TMC2: variants seen among roughly 807,000 people sequenced by gnomAD.
TMC2 encodes transmembrane channel-like protein 2.
Under a neutral mutation model 105.9 loss-of-function variants are expected in TMC2, and 102 were observed. That is an observed-to-expected ratio of 0.96 (90% CI 0.82 to 1.14). TMC2 has a LOEUF of 1.14. TMC2 is among the 50% of genes most tolerant of loss of function. The pLI, the probability that TMC2 is intolerant of heterozygous loss-of-function variation, is 0.00. For synonymous variants in TMC2, 402 were observed against 422.8 expected, an observed-to-expected ratio of 0.95 and a Z score of 0.60; for missense variants, 1,093 against 1,134.3, an observed-to-expected ratio of 0.96 and a Z score of 0.52.
chr20:2,537,175 C>T, intron 1 of TMC2, 94 bp from the exon 2 acceptor site: 1 of 1,172,242 alleles, frequency 8.5e-7, no homozygotes, highest in Non-Finnish European at 1.2e-6. Context: ...GAGGCAGCCA[C>T]AAATCAGCTG....
chr20:2,613,690 G>T, intron 14 of TMC2: 1 of 334,418 alleles, frequency 3.0e-6, no homozygotes, highest in Admixed American at 4.2e-5. Context: ...GAATATTTCA[G>T]GAAGTCCTGG....
intron 11 of TMC2, among the ~76,000 whole-genome samples, chr20:2,607,299 C>G (rs1296745700): frequency 6.6e-6 from 1 of 152,168 alleles, no homozygotes. Flanking sequence ...GCTCCTGCCT[C>G]TCATCCCTTT....
chr20:2,572,214 C>A lies in TMC2; in HGVS notation c.590C>A (p.Ala197Asp). 6.2e-7 allele frequency: 1 copy of A among 1,611,802 alleles called. No homozygotes were observed. Among genetic ancestry groups the A allele is most frequent in the Non-Finnish European group, 8.5e-7 (1 of 1,179,626 alleles). The change falls in exon 5 of 20, where the codon GCC (alanine) becomes GAC (aspartate). Residue 197 changes from alanine (A) to aspartate (D), a missense_variant. Coordinates refer to ENST00000358864, the MANE Select transcript of TMC2 (RefSeq NM_080751.3). ...GAATTTGTGGAGAAGTATGAAGGTG[C>A]CTTGGGAAAGGGGAAAGGCAAGCAA... The part of the protein sequence containing the change: ...AQEFVEKYEG[A>D]LGKGKGKQLY...
At position 2,548,120 on chromosome 20, in the gene TMC2, T is replaced by A. The variant is rs114606179; in HGVS notation, c.83-10336T>A. Among the ~76,000 whole-genome samples the A allele has an allele frequency of 1.8e-3, 276 of 152,370 alleles. 1 individual carries two copies. The highest frequency in any genetic ancestry group is 6.3e-3 in the African/African-American group (260 of 41,586). Reference sequence around the variant, plus strand: ...ACTGGTAGGATGGATAATTGTCAACTGTCACACATCAGCATTTTAGACTAG... The same window carrying A: ...ACTGGTAGGATGGATAATTGTCAACAGTCACACATCAGCATTTTAGACTAG... On this transcript the variant is annotated intron_variant, in intron 2 of 19. Coordinates refer to ENST00000358864, the MANE Select transcript of TMC2 (RefSeq NM_080751.3).
At chr20:2,636,664 A>G (rs6083907) in intron 18 of TMC2, among the ~76,000 whole-genome samples, 114,071 of 151,996 alleles carry the variant, frequency 0.75, 42,979 homozygotes, top group East Asian at 0.87. Flanking sequence ...TCGCTCTGTC[A>G]CCAGGCTGGA....
chr20:2,568,287 CT>C (rs1315108806), intron 4 of TMC2, among the ~76,000 whole-genome samples: 1 of 152,168 alleles, frequency 6.6e-6, no homozygotes, highest in African/African-American at 2.4e-5. Flanking sequence ...CAAGAAACTT[CT>C]CATCAGAAAC....
intron 10 of TMC2, among the ~76,000 whole-genome samples, chr20:2,600,708 C>T (rs1808615369): frequency 6.6e-6 from 1 of 152,116 alleles, no homozygotes; most frequent in African/African-American, 2.4e-5. Context: ...CCTGTAGTTC[C>T]AGCTACTTGG....
chr20:2,582,714 G>A (rs1422638681), intron 7 of TMC2, among the ~76,000 whole-genome samples: 6 of 152,042 alleles, frequency 3.9e-5, no homozygotes, highest in Admixed American at 2.0e-4. Flanking sequence ...GACCTTAAGC[G>A]ATCTGCTCGC....
intron 4 of TMC2, among the ~76,000 whole-genome samples, chr20:2,562,585 A>G (rs889068481): frequency 2.0e-5 from 3 of 152,182 alleles, no homozygotes; most frequent in Admixed American, 6.5e-5. Flanking sequence ...CCTGTTTTCT[A>G]CTCAGCCACT....
At chr20:2,573,782 G>A (rs192392858) in intron 5 of TMC2, among the ~76,000 whole-genome samples, 216 of 150,696 alleles carry the variant, frequency 1.4e-3, no homozygotes, top group Non-Finnish European at 2.3e-3. Context: ...GGATGGTCTC[G>A]ATCTCCTGAC....
At position 2,617,070 on chromosome 20, in the gene TMC2, A is replaced by T. The variant is rs140053393; in HGVS notation, c.1941-2A>T. 9,594 of 1,614,134 alleles carry T rather than the reference A, an allele frequency of 5.9e-3. 43 individuals carry two copies. The highest frequency in any genetic ancestry group is 7.6e-3 in the Non-Finnish European group (8,909 of 1,179,996). On this transcript the variant is annotated splice_acceptor_variant, in intron 15 of 19. Transcript: ENST00000358864. LOFTEE classifies it high-confidence loss of function. ...CCAGGTGTTTGGTTTCTGCCATTCC[A>T]GGATGGGCTCCTTCTATGCTCCAGG...
chr20:2,622,661 ACAGAGAGAGACTCTGT>A (rs1371422957), intron 16 of TMC2, among the ~76,000 whole-genome samples: 18 of 152,060 alleles, frequency 1.2e-4, no homozygotes, highest in African/African-American at 4.1e-4. Flanking sequence ...AGCCTGGACG[ACAGAGAGAGACTCTGT>A]CTCAAAAAAA....
chr20:2,544,086 T>G (rs1321146162), intron 2 of TMC2, among the ~76,000 whole-genome samples: 2 of 130,370 alleles, frequency 1.5e-5, no homozygotes, highest in East Asian at 2.2e-4. Flanking sequence ...TTTTTTTTTT[T>G]TGTATTTTTA....
At chr20:2,605,210 A>G (rs2086380697) in intron 11 of TMC2, among the ~76,000 whole-genome samples, 1 of 152,224 alleles carries the variant, frequency 6.6e-6, no homozygotes, top group Non-Finnish European at 1.5e-5. Flanking sequence ...ATTTGGTGTC[A>G]GAAGTGTCAA....
At chr20:2,588,020 C>CT (rs367655271) in intron 7 of TMC2, among the ~76,000 whole-genome samples, 2 of 151,620 alleles carry the variant, frequency 1.3e-5, no homozygotes, top group African/African-American at 4.9e-5. Context: ...AATCCCCCCC[C>CT]CCTTTGAGTA....
chr20:2,582,928 G>A (rs769103587), intron 7 of TMC2, among the ~76,000 whole-genome samples: 2 of 152,146 alleles, frequency 1.3e-5, no homozygotes, highest in African/African-American at 4.8e-5. Context: ...GGATGTCTAC[G>A]TGATCCCTGA....
At chr20:2,572,925 T>G (rs777888704) in intron 5 of TMC2, among the ~76,000 whole-genome samples, 32 of 151,808 alleles carry the variant, frequency 2.1e-4, no homozygotes, top group South Asian at 6.2e-4. Context: ...TGGTTTTTTG[T>G]TTGTTTGTTT....
At chr20:2,613,495 C>T in intron 14 of TMC2, 173 bp downstream of exon 14, 1 of 915,382 alleles carries the variant, frequency 1.1e-6, no homozygotes, top group Non-Finnish European at 1.7e-6. Flanking sequence ...TCCTATTTGC[C>T]TTCATAAGGG....
intron 12 of TMC2, among the ~76,000 whole-genome samples, chr20:2,611,694 C>A: frequency 6.6e-6 from 1 of 152,298 alleles, no homozygotes; most frequent in Non-Finnish European, 1.5e-5. Flanking sequence ...TCTGAGCGAA[C>A]CTCCATCTCT....
Sources: allele counts gnomAD v4.1 joint callset (sites outside exome capture counted in the v4.1 genomes callset), GRCh38; gene constraint gnomAD v4.1.1; transcripts MANE v1.5; gene names NCBI Gene and HGNC (gene_info 2026-07-23, HGNC 2026-07-21).